Variants in LONP1 observed in about 807,000 individuals in gnomAD.
The protein encoded by LONP1 is lon protease homolog, mitochondrial.
In LONP1, 31 loss-of-function variants were observed where a neutral mutation model predicts 98.5. The observed-to-expected ratio is 0.31, with a 90% CI of 0.24 to 0.42. LONP1 has a LOEUF of 0.42. Among genes scored for constraint, LONP1 ranks in the 20% least tolerant of loss-of-function variants. The probability of loss-of-function intolerance (pLI) is 1.00; values close to 1 mark genes in which losing one functional copy is unlikely to be tolerated. For missense variants in LONP1, 1,336 were observed against 1,350.6 expected, an observed-to-expected ratio of 0.99 and a Z score of 0.17; for synonymous variants, 781 against 594.7, an observed-to-expected ratio of 1.31 and a Z score of -4.56.
intron 8 of LONP1, among the ~76,000 whole-genome samples, chr19:5,701,426 CCCTGCCTGGTTCT>C (rs2055040898): frequency 1.3e-5 from 2 of 152,348 alleles, no homozygotes; most frequent in Admixed American, 6.5e-5. Flanking sequence ...ACTGCAACCT[CCCTGCCTGGTTCT>C]CCTGCCTGAG....
rs778200196 is a variant in LONP1 at position 5,705,874 on chromosome 19, C to T, written c.1265G>A (p.Arg422Gln). Residue 422 changes from arginine (R) to glutamine (Q), a missense_variant, in exon 8 of 18, where the codon CGG (arginine) becomes CAG (glutamine). Around this residue, in one of 5 missense-constraint regions of LONP1, gnomAD observed 219 missense variants for 241.0 expected, o/e 0.91. Coordinates refer to ENST00000360614, the MANE Select transcript of LONP1 (RefSeq NM_004793.4). The part of the protein sequence containing the change: ...DDKDAIEEKF[R>Q]ERLKELVVPK... ...GACCACGAGCTCCTTCAGGCGCTCC[C>T]GGAACTTCTCCTCGATGGCATCCTT... 10 of 1,614,048 alleles carry T rather than the reference C, an allele frequency of 6.2e-6. No homozygotes were observed. The East Asian group carries it at 6.7e-5, about 11-fold the overall frequency.
At chr19:5,712,352 G>A in intron 3 of LONP1, 1 of 273,642 alleles carries the variant, frequency 3.7e-6, no homozygotes, top group South Asian at 5.1e-5. Flanking sequence ...TGGTCTCCAA[G>A]ACTCTGTGCC....
intron 4 of LONP1, chr19:5,708,708 C>A: frequency 3.0e-6 from 1 of 331,110 alleles, no homozygotes; most frequent in African/African-American, 2.1e-5. Context: ...TTTCTTTCCT[C>A]CATTTTTTAA....
rs1004311642 is a variant in LONP1 at position 5,705,921 on chromosome 19, C to T, written c.1218G>A (p.Glu406=). 2 of 1,614,034 alleles carry T rather than the reference C, an allele frequency of 1.2e-6. No homozygotes were observed. Among genetic ancestry groups the T allele is most frequent in the Admixed American group, 1.7e-5 (1 of 60,010 alleles). The part of the protein sequence containing the change: ...LQEQLKIIKK[E]LGLEKDDKDA... The stretch of plus-strand genomic sequence containing the variant: ...CCTTGTCGTCCTTCTCCAGGCCCAG[C>T]TCCTTCTTGATGATCTTTAGCTGCT... Residue 406 remains glutamate (E), a synonymous_variant, in exon 8 of 18, where the codon GAG becomes GAA. Coordinates refer to ENST00000360614, the MANE Select transcript of LONP1 (RefSeq NM_004793.4).
In LONP1 at chr19:5,708,675, CA is replaced by C. The variant is rs572085174; in HGVS notation, c.871-273del. On this transcript the variant is annotated intron_variant, in intron 4 of 17. Coordinates refer to ENST00000360614, the MANE Select transcript of LONP1 (RefSeq NM_004793.4). ...GCCTTGTCCTTAGGATAAGCTATCT[CA>C]GGGGAAAAAAAGAGACTGTGTTTTC... 3.5e-4 allele frequency: 138 copies of C among 399,276 alleles called. 1 individual carries two copies. The highest frequency in any genetic ancestry group is 4.9e-4 in the Non-Finnish European group (107 of 216,240). 24.7% of individuals were successfully genotyped at this position (399,276 alleles called of 1,614,324 possible).
intron 6 of LONP1, among the ~76,000 whole-genome samples, chr19:5,707,447 G>A (rs903668922): frequency 2.6e-5 from 4 of 152,184 alleles, no homozygotes; most frequent in Admixed American, 2.0e-4. Context: ...AACCCGCAAC[G>A]GTGACTCCCA....
At position 5,693,313 on chromosome 19, in the gene LONP1, C is replaced by T; in HGVS notation, c.2688G>A (p.Lys896=). The T allele has an allele frequency of 6.2e-7, 1 of 1,612,306 alleles. No homozygotes were observed. The highest frequency in any genetic ancestry group is 8.5e-7 in the Non-Finnish European group (1 of 1,179,024). ...GGACACTCACCGCAATGGTCTTCTC[C>T]TTGATGCCACCAACAGGCAGGATCT... ...TGKILPVGGI[K]EKTIAAKRAG... Residue 896 remains lysine, a synonymous_variant, in exon 17 of 18, where the codon AAG becomes AAA. Coordinates refer to ENST00000360614, the MANE Select transcript of LONP1 (RefSeq NM_004793.4).
At chr19:5,708,433 C>T in intron 4 of LONP1, 30 bp from the exon 5 acceptor site, 2 of 1,582,832 alleles carry the variant, frequency 1.3e-6, no homozygotes, top group Non-Finnish European at 1.7e-6. Context: ...GTCGCTGGGG[C>T]CCAGCAGTGC....
chr19:5,720,103 C>A lies in LONP1; in HGVS notation c.30G>T (p.Leu10=), dbSNP rs1259815576. The change falls in exon 1 of 18, where the codon CTG becomes CTT. Residue 10 remains leucine, a synonymous_variant. Transcript: ENST00000360614. The part of the protein sequence containing the change: MAASTGYVR[L]WGAARCWVLR... ...GCACCCAGCACCGCGCCGCTCCCCA[C>A]AGTCGCACGTAGCCAGTGCTCGCCG... 7 of 1,471,582 alleles carry A rather than the reference C, an allele frequency of 4.8e-6. No individual in the cohort carries two copies. The South Asian group carries it at 9.3e-5, about 20-fold the overall frequency. The allele number at this position is 1,471,582 out of a possible 1,614,324, so 91.2% of individuals were successfully genotyped here. A position where few individuals can be genotyped will look rare whatever the true frequency, so the allele number is the denominator to read the frequency against.
At chr19:5,700,617 G>A (rs368502866) in intron 9 of LONP1, among the ~76,000 whole-genome samples, 172 bp downstream of exon 9, 35 of 152,262 alleles carry the variant, frequency 2.3e-4, no homozygotes, top group East Asian at 3.9e-4. Context: ...GGAAATCCTC[G>A]AGCCCTCGGG....
At position 5,692,039 on chromosome 19, in the gene LONP1, T is replaced by TC; in HGVS notation, c.2872dup (p.Glu958GlyfsTer22). 1 of 1,467,172 alleles carries TC rather than the reference T, an allele frequency of 6.8e-7. No homozygotes were observed. The highest frequency in any genetic ancestry group is 9.3e-7 in the Non-Finnish European group (1 of 1,075,510). 90.9% of individuals were successfully genotyped at this position (1,467,172 alleles called of 1,614,324 possible). A position where few individuals can be genotyped will look rare whatever the true frequency, so the allele number is the denominator to read the frequency against. On this transcript the variant is annotated frameshift_variant, in exon 18 of 18. Coordinates refer to ENST00000360614, the MANE Select transcript of LONP1 (RefSeq NM_004793.4). LOFTEE classifies it high-confidence loss of function. ...GCAGTCCCGGGGTGGCCGTCACCGT[T>TC]CCACGGCCAGCGCCTCTGCCTGCTC...
chr19:5,694,686 CAT>C, intron 14 of LONP1, 73 bp downstream of exon 14: 1 of 1,568,768 alleles, frequency 6.4e-7, no homozygotes, highest in South Asian at 1.2e-5. Flanking sequence ...GGATGATGGG[CAT>C]GGAAAGGTGG....
rs1183639487 is a variant in LONP1 at position 5,708,370 on chromosome 19, C to T, written c.904G>A (p.Asp302Asn). ...LTAEIVKTIRDIIALNPLYRE... is the reference protein window; with the variant it reads ...LTAEIVKTIRNIIALNPLYRE... ...TAGAGAGGGTTCAAGGCAATGATGT[C>T]CCGGATGGTCTTCACGATCTCTGCA... The change falls in exon 5 of 18, where the codon GAC (aspartate) becomes AAC (asparagine). Residue 302 changes from aspartate (D) to asparagine (N), a missense_variant. Transcript: ENST00000360614. 1.4e-6 allele frequency: 2 copies of T among 1,425,316 alleles called. No homozygotes were observed. The highest frequency in any genetic ancestry group is 1.9e-6 in the Non-Finnish European group (2 of 1,060,436). The allele number at this position is 1,425,316 out of a possible 1,614,324, so 88.3% of individuals were successfully genotyped here.
Position 5,708,336 on chromosome 19 carries a change from G to C in LONP1, c.932+6C>G. On this transcript the variant is annotated splice_donor_region_variant and intron_variant, in intron 5 of 17. Transcript: ENST00000360614. ...CGCCTGGCCAGCTGCCCGCACAGAG[G>C]CCCACCTGTAGAGAGGGTTCAAGGC... 2 of 1,585,446 alleles carry C rather than the reference G, an allele frequency of 1.3e-6. No homozygotes were observed. Among genetic ancestry groups the C allele is most frequent in the African/African-American group, 2.7e-5 (2 of 74,452 alleles).
chr19:5,715,046 C>CAAAAAAAAA (rs5826897), intron 1 of LONP1: 2 of 63,556 alleles, frequency 3.1e-5, no homozygotes, highest in East Asian at 5.3e-4. Flanking sequence ...AACGCCTAAA[C>CAAAAAAAAA]AAAAAAAAAA....
At chr19:5,714,415 C>T (rs2055282686) in intron 1 of LONP1, 144 bp from the exon 2 acceptor site, 1 of 607,246 alleles carries the variant, frequency 1.6e-6, no homozygotes, top group African/African-American at 1.9e-5. Flanking sequence ...AGGGATTCTC[C>T]TGCCTCAGCC....
rs749848982 is a variant in LONP1, at chr19:5,693,480, G to A, written c.2539-18C>T. 1.9e-6 allele frequency: 3 copies of A among 1,611,612 alleles called. No homozygotes were observed. The highest frequency in any genetic ancestry group is 2.5e-6 in the Non-Finnish European group (3 of 1,178,336). On this transcript the variant is annotated intron_variant, in intron 16 of 17. Coordinates refer to ENST00000360614, the MANE Select transcript of LONP1 (RefSeq NM_004793.4). ...GTGGCGCCCTGTGGAGGCATGTGGG[G>A]ATAGTGGGTGAGCAGGTGGCCAGCA...
chr19:5,712,159 G>C (rs913787566), intron 3 of LONP1, 157 bp from the exon 4 acceptor site: 1 of 611,212 alleles, frequency 1.6e-6, no homozygotes, highest in African/African-American at 1.9e-5. Flanking sequence ...GGAGACGTGA[G>C]CCGCTTTCTC....
chr19:5,713,300 T>C (rs1043080586), intron 2 of LONP1, 47 bp from the exon 3 acceptor site: 2 of 1,610,706 alleles, frequency 1.2e-6, no homozygotes, highest in Admixed American at 1.7e-5. Context: ...GCTTTCATGC[T>C]AGGCAGGATG....
Sources: gnomAD v4.1 joint callset for allele counts (sites outside exome capture counted in the v4.1 genomes callset) on GRCh38, gnomAD v4.1.1 for gene constraint, gnomAD v4.1.1 regional missense constraint, MANE v1.5 for transcripts, NCBI Gene and HGNC (gene_info 2026-07-23, HGNC 2026-07-21) for gene names.